CDH3: variants seen among roughly 807,000 people sequenced by gnomAD.
CDH3 encodes cadherin-3.
A neutral mutation model predicts 82.0 loss-of-function variants in CDH3; 54 were observed. That is an observed-to-expected ratio of 0.66 (90% CI 0.53 to 0.83). The LOEUF is 0.83. Among genes scored for constraint, CDH3 ranks in the 40% least tolerant of loss-of-function variants. The pLI is 0.00. For synonymous variants in CDH3, 446 were observed against 437.9 expected (o/e 1.02, Z -0.23); for missense variants, 1,054 against 1,084.6 (o/e 0.97, Z 0.40).
intron 2 of CDH3, among the ~76,000 whole-genome samples, chr16:68,646,533 C>T (rs1337923741): frequency 5.3e-5 from 6 of 112,426 alleles, no homozygotes; most frequent in Non-Finnish European, 8.4e-5. Context: ...AGTTCAAAAA[C>T]CTGAGGGGGT....
intron 2 of CDH3, 136 bp downstream of exon 2, chr16:68,645,886 T>A: frequency 1.5e-6 from 1 of 676,548 alleles, no homozygotes; most frequent in Non-Finnish European, 2.5e-6. Context: ...AGAACGCGCC[T>A]CGGGGGCTGG....
chr16:68,687,769 GC>G, intron 12 of CDH3, 33 bp downstream of exon 12: 1 of 1,497,946 alleles, frequency 6.7e-7, no homozygotes, highest in Non-Finnish European at 9.3e-7. Flanking sequence ...CGGGTGGGGT[GC>G]CAGCCCCACT....
chr16:68,727,173 GC>G (rs774699085), exon 3 of CDH3, among the ~76,000 whole-genome samples: 1 of 152,116 alleles, frequency 6.6e-6, no homozygotes, highest in Non-Finnish European at 1.5e-5. Context: ...CCTGCCTTCT[GC>G]CCTTAAACAT....
downstream of CDH3, among the ~76,000 whole-genome samples, chr16:68,730,773 C>A (rs576668442): frequency 9.2e-4 from 140 of 151,862 alleles, no homozygotes; most frequent in African/African-American, 3.2e-3. Context: ...GTAATCCCAG[C>A]ACTTTGGGAG....
chr16:68,694,010 C>A (rs1015871738), intron 13 of CDH3, among the ~76,000 whole-genome samples: 3 of 152,124 alleles, frequency 2.0e-5, no homozygotes, highest in African/African-American at 7.2e-5. Context: ...AATCCCAGCA[C>A]TTTGGGAGCT....
At chr16:68,710,061 G>A (rs1300613129) in intron 1 of CDH3, among the ~76,000 whole-genome samples, 7 of 152,248 alleles carry the variant, frequency 4.6e-5, no homozygotes, top group Non-Finnish European at 7.3e-5. Flanking sequence ...TAGCTGCCCT[G>A]TGTTCTGGAT....
chr16:68,663,940 A>G (rs574994273), intron 2 of CDH3, among the ~76,000 whole-genome samples: 10 of 149,880 alleles, frequency 6.7e-5, no homozygotes, highest in South Asian at 4.3e-4. Context: ...AGCTTTAGGT[A>G]TATCTCCTAA....
intron 13 of CDH3, 95 bp from the exon 14 acceptor site, chr16:68,695,160 G>A (rs1961678727): frequency 7.7e-7 from 1 of 1,290,882 alleles, no homozygotes; most frequent in Non-Finnish European, 1.1e-6. Context: ...GCTACTGAGT[G>A]AGGACATCTG....
At chr16:68,647,673 T>A (rs945765865) in intron 2 of CDH3, among the ~76,000 whole-genome samples, 2 of 152,106 alleles carry the variant, frequency 1.3e-5, no homozygotes, top group Non-Finnish European at 2.9e-5. Context: ...TAAGTAAAAG[T>A]GCATTTCTTG....
At chr16:68,675,888 G>C (rs1597804937) in intron 2 of CDH3, among the ~76,000 whole-genome samples, 1 of 152,282 alleles carries the variant, frequency 6.6e-6, no homozygotes. Context: ...CTGGTGAATG[G>C]TGGTTACTAA....
chr16:68,674,676 A>G (rs1370931463), intron 2 of CDH3, among the ~76,000 whole-genome samples: 1 of 152,166 alleles, frequency 6.6e-6, no homozygotes, highest in East Asian at 1.9e-4. Context: ...TTGAGGCTGT[A>G]GTGAGTTATG....
chr16:68,685,312 A>G lies in CDH3; in HGVS notation c.1532A>G (p.Asn511Ser). Reference sequence around the variant, plus strand: ...CGTGAGGATGAGCAGTTTGTGAGGAACAACATCTATGAAGTCATGGTCTTG... The same window carrying G: ...CGTGAGGATGAGCAGTTTGTGAGGAGCAACATCTATGAAGTCATGGTCTTG... ...LDREDEQFVRNNIYEVMVLAM... is the reference protein window; with the variant it reads ...LDREDEQFVRSNIYEVMVLAM... Residue 511 changes from asparagine (N) to serine (S), a missense_variant, in exon 11 of 16, where the codon AAC becomes AGC. Transcript: ENST00000264012. 6.2e-7 allele frequency: 1 copy of G among 1,614,164 alleles called. No individual in the cohort carries two copies.
intron 2 of CDH3, chr16:68,646,005 G>T: frequency 1.9e-6 from 1 of 533,172 alleles, no homozygotes; most frequent in Non-Finnish European, 3.4e-6. Flanking sequence ...CGAGATGCCG[G>T]ATGGCTGAGC....
At chr16:68,670,867 G>A (rs968772313) in intron 2 of CDH3, among the ~76,000 whole-genome samples, 2 of 152,126 alleles carry the variant, frequency 1.3e-5, no homozygotes, top group Non-Finnish European at 2.9e-5. Flanking sequence ...GAGGCCAGGA[G>A]TTCGAGACCA....
chr16:68,656,694 G>C (rs1960418447), intron 2 of CDH3, among the ~76,000 whole-genome samples: 1 of 152,182 alleles, frequency 6.6e-6, no homozygotes, highest in Non-Finnish European at 1.5e-5. Context: ...TTGGCAATCA[G>C]GGTGGGAAAG....
At chr16:68,649,444 A>G (rs1010513081) in intron 2 of CDH3, among the ~76,000 whole-genome samples, 1 of 152,194 alleles carries the variant, frequency 6.6e-6, no homozygotes. Context: ...TCCTGTAAGC[A>G]TATATTTCGC....
chr16:68,689,215 A>G (rs919882576), intron 12 of CDH3, among the ~76,000 whole-genome samples: 2 of 152,142 alleles, frequency 1.3e-5, no homozygotes, highest in African/African-American at 4.8e-5. Flanking sequence ...AATGGTGAGG[A>G]TCAGGGTAGG....
chr16:68,718,321 A>G (rs1193460149), intron 1 of CDH3, among the ~76,000 whole-genome samples: 7 of 151,710 alleles, frequency 4.6e-5, no homozygotes, highest in Non-Finnish European at 1.0e-4. Context: ...TTTGTGTGTT[A>G]AATTACCCAG....
intron 11 of CDH3, chr16:68,686,513 G>T (rs1025440414): frequency 2.7e-6 from 3 of 1,102,942 alleles, no homozygotes; most frequent in Non-Finnish European, 4.2e-6. Context: ...TGCAGCAACA[G>T]TAGTTGCTGT....
Sources: gnomAD v4.1 joint callset for allele counts (sites outside exome capture counted in the v4.1 genomes callset) on GRCh38, gnomAD v4.1.1 for gene constraint, MANE v1.5 for transcripts, NCBI Gene and HGNC (gene_info 2026-07-23, HGNC 2026-07-21) for gene names.